KCNB2: variants seen among roughly 807,000 people sequenced by gnomAD.
KCNB2 encodes delayed rectifier potassium channel protein.
In KCNB2, 15 loss-of-function variants were observed where a neutral mutation model predicts 61.5. The observed-to-expected ratio is 0.24, with a 90% CI of 0.16 to 0.38. The LOEUF (loss-of-function observed/expected upper bound fraction) is 0.38. Among genes scored for constraint, KCNB2 ranks in the 10% least tolerant of loss-of-function variants. KCNB2 has a pLI of 1.00. For missense variants in KCNB2, 828 were observed against 1,125.2 expected (o/e 0.74, Z 3.78); for synonymous variants, 457 against 446.0 (o/e 1.02, Z -0.31).
At chr8:72,836,400 A>T (rs1809783311) in intron 2 of KCNB2, among the ~76,000 whole-genome samples, 1 of 152,212 alleles carries the variant, frequency 6.6e-6, no homozygotes, top group Non-Finnish European at 1.5e-5. Flanking sequence ...ATTTTTCAAG[A>T]CCTGTGACAT....
intron 2 of KCNB2, among the ~76,000 whole-genome samples, chr8:72,810,265 C>A (rs937671767): frequency 5.9e-5 from 9 of 152,182 alleles, no homozygotes; most frequent in African/African-American, 9.7e-5. Context: ...AGGTTAGGAG[C>A]AGGAGGCTCA....
At chr8:72,796,494 GA>G (rs1809032073) in intron 2 of KCNB2, among the ~76,000 whole-genome samples, 1 of 152,078 alleles carries the variant, frequency 6.6e-6, no homozygotes, top group South Asian at 2.1e-4. Context: ...TTATTTCTGT[GA>G]CTTTTAGATG....
chr8:72,593,968 T>C (rs1191388119), intron 2 of KCNB2, among the ~76,000 whole-genome samples: 2 of 152,144 alleles, frequency 1.3e-5, no homozygotes, highest in Non-Finnish European at 2.9e-5. Flanking sequence ...AACTTTTCAC[T>C]AAGTTTCTGT....
chr8:72,632,645 A>G (rs912200148), intron 2 of KCNB2, among the ~76,000 whole-genome samples: 4 of 152,210 alleles, frequency 2.6e-5, no homozygotes, highest in African/African-American at 9.6e-5. Context: ...TTATAGCATC[A>G]TCATGATTCT....
chr8:72,928,574 T>C (rs1210151910), intron 2 of KCNB2, among the ~76,000 whole-genome samples: 1 of 151,988 alleles, frequency 6.6e-6, no homozygotes, highest in East Asian at 1.9e-4. Context: ...TGTTTGCAAA[T>C]ATACATTTAT....
intron 2 of KCNB2, among the ~76,000 whole-genome samples, chr8:72,594,865 G>A (rs1197478785): frequency 6.6e-6 from 1 of 152,116 alleles, no homozygotes; most frequent in Admixed American, 6.6e-5. Flanking sequence ...CAGATTCAAA[G>A]CACCAAATTA....
chr8:72,781,804 C>T (rs1320029519), intron 2 of KCNB2, among the ~76,000 whole-genome samples: 1 of 152,118 alleles, frequency 6.6e-6, no homozygotes. Context: ...AGATCATGTC[C>T]TTTGCAGGGA....
At chr8:72,546,042 A>T (rs1156939506) in intron 1 of KCNB2, among the ~76,000 whole-genome samples, 1 of 152,198 alleles carries the variant, frequency 6.6e-6, no homozygotes, top group Admixed American at 6.5e-5. Flanking sequence ...GGATATTGGT[A>T]AAGGCCCCCT....
chr8:72,813,924 G>C (rs1354692440), intron 2 of KCNB2, among the ~76,000 whole-genome samples: 1 of 151,934 alleles, frequency 6.6e-6, no homozygotes, highest in Non-Finnish European at 1.5e-5. Flanking sequence ...TGTTACATAG[G>C]TATACGTGTG....
At chr8:72,678,831 A>G (rs140913772) in intron 2 of KCNB2, among the ~76,000 whole-genome samples, 1 of 152,164 alleles carries the variant, frequency 6.6e-6, no homozygotes, top group Admixed American at 6.5e-5. Context: ...AGGTTTCTGT[A>G]CTTCATTCAA....
At chr8:72,665,509 C>T (rs945031925) in intron 2 of KCNB2, among the ~76,000 whole-genome samples, 3 of 151,968 alleles carry the variant, frequency 2.0e-5, no homozygotes, top group Non-Finnish European at 4.4e-5. Flanking sequence ...ATGAAATTCC[C>T]AAATATTTTT....
In KCNB2 at chr8:72,868,180, G is replaced by A. The variant is rs142512267; in HGVS notation, c.580-67755G>A. Among the ~76,000 whole-genome samples the A allele has an allele frequency of 6.4e-4, 97 of 150,586 alleles. 1 individual carries two copies. The East Asian group carries it at 0.019, about 29-fold the overall frequency. On this transcript the variant is annotated intron_variant, in intron 2 of 2. Coordinates refer to ENST00000523207, the MANE Select transcript of KCNB2 (RefSeq NM_004770.3). ...TCAGACTCCTGGGCTCAAGGAATCC[G>A]CCTGCCTCAGCCTCCCAAAGTGCTT... is the stretch of plus-strand genomic sequence containing the variant.
intron 2 of KCNB2, among the ~76,000 whole-genome samples, chr8:72,797,452 G>T (rs877520): frequency 0.14 from 21,441 of 152,108 alleles, 1,823 homozygotes; most frequent in South Asian, 0.3. Flanking sequence ...ACACCTCCAG[G>T]CCAGGGGGCT....
intron 2 of KCNB2, among the ~76,000 whole-genome samples, chr8:72,798,745 G>A (rs1240594526): frequency 6.6e-6 from 1 of 152,014 alleles, no homozygotes; most frequent in Non-Finnish European, 1.5e-5. Flanking sequence ...CCCCCTAATG[G>A]TAGAGACAGT....
At chr8:72,547,694 C>T (rs1455796882) in intron 1 of KCNB2, among the ~76,000 whole-genome samples, 27 of 152,074 alleles carry the variant, frequency 1.8e-4, no homozygotes, top group Non-Finnish European at 4.4e-5. Context: ...TTCTTATGAA[C>T]GAGCAAAGAA....
intron 2 of KCNB2, among the ~76,000 whole-genome samples, chr8:72,901,989 G>T (rs1464279504): frequency 6.6e-6 from 1 of 152,152 alleles, no homozygotes; most frequent in Non-Finnish European, 1.5e-5. Flanking sequence ...GCAGAAAAGG[G>T]AAGTACTCAA....
Position 72,711,749 on chromosome 8 carries a change from G to A in KCNB2, c.579+143436G>A, listed in dbSNP as rs576736017. 1.6e-4 allele frequency among the ~76,000 whole-genome samples: 14 copies of A among 85,998 alleles called. No homozygotes were observed. In the South Asian group the frequency reaches 3.9e-3, roughly 24 times the overall value. The allele number at this position is 85,998 out of a possible 152,430, so 56.4% of individuals were successfully genotyped here. ...TTACGCCTGTAATCCCAGCACTTTG[G>A]GAGGCCAAGGTGGGCGGCATTTGAG... On this transcript the variant is annotated intron_variant, in intron 2 of 2. Transcript: ENST00000523207.
At chr8:72,894,228 C>A (rs997557491) in intron 2 of KCNB2, among the ~76,000 whole-genome samples, 1 of 151,804 alleles carries the variant, frequency 6.6e-6, no homozygotes, top group Admixed American at 6.6e-5. Flanking sequence ...ATACAAAGAC[C>A]GTAAAGGTGG....
At chr8:72,935,454 G>A (rs541520299) in intron 2 of KCNB2, among the ~76,000 whole-genome samples, 1 of 152,148 alleles carries the variant, frequency 6.6e-6, no homozygotes, top group Non-Finnish European at 1.5e-5. Flanking sequence ...AAGCATTGTT[G>A]TACTGAGTGC....
Sources: allele counts gnomAD v4.1 joint callset (sites outside exome capture counted in the v4.1 genomes callset), GRCh38; gene constraint gnomAD v4.1.1; transcripts MANE v1.5; gene names NCBI Gene and HGNC (gene_info 2026-07-23, HGNC 2026-07-21).